ERAP1: variants seen among roughly 807,000 people sequenced by gnomAD.
ERAP1 encodes adipocyte-derived leucine aminopeptidase.
A neutral mutation model predicts 103.7 loss-of-function variants in ERAP1; 86 were observed. That is an observed-to-expected ratio of 0.83 (90% CI 0.70 to 0.99). The LOEUF is 0.99. Among genes scored for constraint, ERAP1 ranks in the 50% least tolerant of loss-of-function variants. The pLI is 0.00. For missense variants in ERAP1, 1,009 were observed against 1,128.4 expected, an observed-to-expected ratio of 0.89 and a Z score of 1.52; for synonymous variants, 398 against 402.4, an observed-to-expected ratio of 0.99 and a Z score of 0.13.
At chr5:96,786,053 A>G (rs752233235) in intron 12 of ERAP1, 82 bp from the exon 13 acceptor site, 321 of 1,352,076 alleles carry the variant, frequency 2.4e-4, no homozygotes, top group Non-Finnish European at 3.2e-4. Flanking sequence ...GGGCAAGGAA[A>G]TTAGAGAAGA....
At chr5:96,812,532 A>T (rs1779211480), upstream of ERAP1, among the ~76,000 whole-genome samples, 1 of 152,256 alleles carries the variant, frequency 6.6e-6, no homozygotes, top group Admixed American at 6.5e-5. Context: ...TGATAAAAAT[A>T]TTGGGATGAA....
intron 1 of ERAP1, chr5:96,806,086 A>C (rs1561296037): frequency 6.6e-6 from 1 of 152,166 alleles, no homozygotes; most frequent in Non-Finnish European, 1.5e-5. Flanking sequence ...TCACTAATAA[A>C]TTCTCTTATT....
In ERAP1 at chr5:96,775,607, C is replaced by G. The variant is rs1047915317; in HGVS notation, c.*789G>C. 1.6e-6 allele frequency: 1 copy of G among 641,826 alleles called. No homozygotes were observed. The highest frequency in any genetic ancestry group is 1.9e-6 in the Non-Finnish European group (1 of 516,572). The allele number at this position is 641,826 out of a possible 1,614,324, so 39.8% of individuals were successfully genotyped here. On this transcript the variant is annotated 3_prime_UTR_variant, in exon 19 of 19. Transcript: ENST00000443439. Reference sequence around the variant, plus strand: ...AAAGTGCGAGCACATTATGTAGAAACCACAAGTCCGCCAGGACTAGTAAAA... The same window carrying G: ...AAAGTGCGAGCACATTATGTAGAAAGCACAAGTCCGCCAGGACTAGTAAAA...
chr5:96,811,517 G>A (rs1305313854), upstream of ERAP1, among the ~76,000 whole-genome samples: 2 of 152,220 alleles, frequency 1.3e-5, no homozygotes, highest in African/African-American at 4.8e-5. Context: ...GGCTGACAGA[G>A]ACAGAGAATA....
exon 20 of ERAP1, chr5:96,763,151 G>A (rs1768594161): frequency 2.6e-6 from 2 of 780,410 alleles, no homozygotes; most frequent in South Asian, 2.7e-5. Context: ...TCCGTTTGAT[G>A]TAGCATCAAA....
upstream of ERAP1, among the ~76,000 whole-genome samples, chr5:96,808,527 T>C (rs1430356415): frequency 1.3e-5 from 2 of 152,050 alleles, no homozygotes; most frequent in Non-Finnish European, 2.9e-5. Context: ...CCGCACCTTC[T>C]GGGGCTTCGG....
chr5:96,768,394 T>C (rs1461938229), intron 19 of ERAP1: 1 of 456,446 alleles, frequency 2.2e-6, no homozygotes, highest in Non-Finnish European at 4.4e-6. Flanking sequence ...CTTACAATTT[T>C]TAAACTGTAG....
the ERAP1 span, among the ~76,000 whole-genome samples, chr5:96,915,013 T>A: frequency 0.04 from 6,141 of 152,208 alleles, 209 homozygotes; most frequent in Middle Eastern, 0.12. Context: ...TTTTAATTAA[T>A]TTATTTTTTT....
intron 19 of ERAP1, chr5:96,767,390 A>AC: frequency 6.6e-7 from 1 of 1,505,862 alleles, no homozygotes; most frequent in Non-Finnish European, 9.2e-7. Context: ...ACCTAAGTAA[A>AC]CCTTTACAGA....
At chr5:96,837,528 G>A in the ERAP1 span, among the ~76,000 whole-genome samples, 1 of 152,218 alleles carries the variant, frequency 6.6e-6, no homozygotes, top group Non-Finnish European at 1.5e-5. Context: ...GGGAGCGCAG[G>A]TGGGTGGTGC....
the ERAP1 span, among the ~76,000 whole-genome samples, chr5:96,817,955 G>A: frequency 2.6e-5 from 4 of 152,266 alleles, no homozygotes; most frequent in South Asian, 2.1e-4. Context: ...TCTGAAAAGC[G>A]TTTGGAAGAG....
the ERAP1 span, among the ~76,000 whole-genome samples, chr5:96,835,262 C>A: frequency 6.6e-6 from 1 of 152,180 alleles, no homozygotes; most frequent in Admixed American, 6.5e-5. Context: ...TGCTTTAGAA[C>A]TTCTTTGGAG....
At chr5:96,879,706 G>A in the ERAP1 span, 1 of 1,613,904 alleles carries the variant, frequency 6.2e-7, no homozygotes, top group Non-Finnish European at 8.5e-7. Context: ...CTTCTGCAAT[G>A]GTTAATTCAC....
the ERAP1 span, among the ~76,000 whole-genome samples, chr5:96,867,690 T>C: frequency 5.3e-5 from 8 of 152,074 alleles, no homozygotes; most frequent in Non-Finnish European, 8.8e-5. Flanking sequence ...CAAGGAGAAG[T>C]AGTAGTTCCA....
the ERAP1 span, among the ~76,000 whole-genome samples, chr5:96,888,790 G>A: frequency 6.6e-6 from 1 of 152,172 alleles, no homozygotes; most frequent in Admixed American, 6.5e-5. Flanking sequence ...CATAGGTCTA[G>A]AAGAAACCTA....
At chr5:96,840,317 T>C in the ERAP1 span, among the ~76,000 whole-genome samples, 6 of 152,216 alleles carry the variant, frequency 3.9e-5, no homozygotes, top group African/African-American at 1.4e-4. Flanking sequence ...CAGATTATAA[T>C]CTTTCTCACT....
intron 7 of ERAP1, among the ~76,000 whole-genome samples, chr5:96,793,033 A>T (rs753843471): frequency 7.9e-5 from 12 of 152,180 alleles, no homozygotes; most frequent in Admixed American, 6.5e-4. Context: ...TTGATTTGGC[A>T]AGTAGGGTCC....
chr5:96,830,192 T>C, the ERAP1 span, among the ~76,000 whole-genome samples: 13 of 152,190 alleles, frequency 8.5e-5, no homozygotes, highest in African/African-American at 2.4e-4. Flanking sequence ...AAGTAGCCTA[T>C]GTACAGACTG....
intron 19 of ERAP1, chr5:96,763,367 T>C: frequency 1.4e-6 from 1 of 711,360 alleles, no homozygotes; most frequent in Non-Finnish European, 2.6e-6. Flanking sequence ...TGCATGTGCA[T>C]GTGCATGTGT....
Sources: gnomAD v4.1 joint callset for allele counts (sites outside exome capture counted in the v4.1 genomes callset) on GRCh38, gnomAD v4.1.1 for gene constraint, MANE v1.5 for transcripts, NCBI Gene and HGNC (gene_info 2026-07-23, HGNC 2026-07-21) for gene names.